Variants in MYO16 observed in about 807,000 individuals in gnomAD.
The protein encoded by MYO16 is unconventional myosin-XVI.
Under a neutral mutation model 205.3 loss-of-function variants are expected in MYO16, and 94 were observed. The ratio of observed to expected loss-of-function variants is 0.46; its 90% CI spans 0.39 to 0.54. The LOEUF (loss-of-function observed/expected upper bound fraction) is 0.54, where lower values mean the gene tolerates loss of function less well. Among genes scored for constraint, MYO16 ranks in the 20% least tolerant of loss-of-function variants. The pLI is 0.00. For synonymous variants in MYO16, 988 were observed against 954.0 expected, an observed-to-expected ratio of 1.04 and a Z score of -0.66; for missense variants, 2,315 against 2,387.5, an observed-to-expected ratio of 0.97 and a Z score of 0.63.
At chr13:108,917,798 T>C (rs1236344213) in intron 16 of MYO16, among the ~76,000 whole-genome samples, 2 of 152,220 alleles carry the variant, frequency 1.3e-5, no homozygotes, top group Admixed American at 6.5e-5. Flanking sequence ...ATGGTCAAAT[T>C]TATTATGTGA....
At chr13:109,015,140 A>G (rs61970225) in intron 22 of MYO16, among the ~76,000 whole-genome samples, 6,527 of 152,260 alleles carry the variant, frequency 0.043, 204 homozygotes, top group Non-Finnish European at 0.064. Flanking sequence ...CGTTCCATCA[A>G]TACCTAGTTT....
chr13:108,913,783 A>C (rs1000544577), intron 16 of MYO16, among the ~76,000 whole-genome samples: 2 of 152,236 alleles, frequency 1.3e-5, no homozygotes, highest in Admixed American at 1.3e-4. Flanking sequence ...CAAGACTGAA[A>C]ACCCAACTTA....
intron 16 of MYO16, among the ~76,000 whole-genome samples, chr13:108,935,682 G>A (rs1344596765): frequency 6.6e-6 from 1 of 152,008 alleles, no homozygotes; most frequent in African/African-American, 2.4e-5. Context: ...GTTGAGAGTC[G>A]GCATCATTGG....
the MYO16 span, among the ~76,000 whole-genome samples, chr13:108,537,941 T>C: frequency 6.6e-6 from 1 of 152,082 alleles, no homozygotes; most frequent in Non-Finnish European, 1.5e-5. Flanking sequence ...AGTTTGAAAA[T>C]ATTTTCTCCC....
At chr13:108,975,708 C>A (rs966761516) in intron 20 of MYO16, among the ~76,000 whole-genome samples, 1 of 152,118 alleles carries the variant, frequency 6.6e-6, no homozygotes, top group Non-Finnish European at 1.5e-5. Context: ...GTGGAGAGTA[C>A]ACCCTCCTTT....
intron 23 of MYO16, among the ~76,000 whole-genome samples, chr13:109,038,289 T>A (rs9559468): frequency 0.37 from 56,917 of 152,000 alleles, 11,546 homozygotes; most frequent in East Asian, 0.83. Flanking sequence ...TAGCATTTGA[T>A]CAGTAGACTG....
chr13:108,687,286 T>C (rs375635352), intron 2 of MYO16, among the ~76,000 whole-genome samples: 2 of 152,220 alleles, frequency 1.3e-5, no homozygotes, highest in Non-Finnish European at 2.9e-5. Context: ...ATAAATAACA[T>C]TGGCAGAAGT....
chr13:108,613,160 A>T (rs866793050), intron 1 of MYO16, among the ~76,000 whole-genome samples: 2 of 152,182 alleles, frequency 1.3e-5, no homozygotes, highest in African/African-American at 4.8e-5. Context: ...AGTTTAATTA[A>T]ATTTGATTAA....
intron 23 of MYO16, among the ~76,000 whole-genome samples, chr13:109,045,909 G>A (rs542349529): frequency 1.1e-4 from 17 of 152,252 alleles, no homozygotes; most frequent in Non-Finnish European, 2.2e-4. Context: ...TACCTCATGG[G>A]TGACACTCAA....
At chr13:108,914,605 G>A (rs1269081603) in intron 16 of MYO16, among the ~76,000 whole-genome samples, 2 of 151,972 alleles carry the variant, frequency 1.3e-5, no homozygotes, top group East Asian at 1.9e-4. Flanking sequence ...AATACTTATC[G>A]TATCTTATGT....
At chr13:109,132,801 C>T (rs572169589) in intron 31 of MYO16, among the ~76,000 whole-genome samples, 245 of 152,308 alleles carry the variant, frequency 1.6e-3, no homozygotes, top group African/African-American at 5.4e-3. Context: ...AGTTGTACAT[C>T]CAACAAATAG....
At chr13:109,079,799 T>C (rs1259187418) in intron 27 of MYO16, among the ~76,000 whole-genome samples, 3 of 152,120 alleles carry the variant, frequency 2.0e-5, no homozygotes, top group Non-Finnish European at 4.4e-5. Context: ...CCCTGGGGTG[T>C]CTTGTGAGCA....
At chr13:108,596,034 T>C (rs1878545297), upstream of MYO16, 1 of 151,712 alleles carries the variant, frequency 6.6e-6, no homozygotes, top group South Asian at 2.1e-4. Context: ...GCTGATGTGT[T>C]TTCTGGAATG....
chr13:109,024,005 AATATT>A (rs982783050), intron 23 of MYO16, among the ~76,000 whole-genome samples: 18 of 99,144 alleles, frequency 1.8e-4, no homozygotes, highest in East Asian at 4.5e-4. Flanking sequence ...TATATATAGA[AATATT>A]ATATATACAA....
intron 1 of MYO16, among the ~76,000 whole-genome samples, chr13:108,600,974 A>T (rs900246968): frequency 1.6e-4 from 24 of 152,174 alleles, no homozygotes; most frequent in African/African-American, 5.5e-4. Flanking sequence ...TACAGAAAGA[A>T]ATATGAAGAG....
chr13:108,691,310 A>G (rs1882885912), intron 2 of MYO16, among the ~76,000 whole-genome samples: 1 of 152,088 alleles, frequency 6.6e-6, no homozygotes, highest in East Asian at 1.9e-4. Flanking sequence ...GTTTTTGCCT[A>G]TTAGATTGTA....
intron 4 of MYO16, among the ~76,000 whole-genome samples, chr13:108,757,651 C>A (rs959009538): frequency 2.6e-5 from 4 of 151,962 alleles, no homozygotes; most frequent in Admixed American, 1.3e-4. Flanking sequence ...CACAACAGGC[C>A]CCAGTGTGTG....
chr13:109,098,405 C>A (rs1341003657), intron 27 of MYO16, among the ~76,000 whole-genome samples: 1 of 152,140 alleles, frequency 6.6e-6, no homozygotes, highest in Non-Finnish European at 1.5e-5. Context: ...CTTGCAGAAG[C>A]ATTTTCCCTG....
chr13:108,911,516 G>A (rs935126753), intron 16 of MYO16, among the ~76,000 whole-genome samples: 4 of 152,152 alleles, frequency 2.6e-5, no homozygotes, highest in African/African-American at 7.2e-5. Flanking sequence ...CTCAATGTTT[G>A]AGGGACAACA....
Sources: allele counts gnomAD v4.1 joint callset (sites outside exome capture counted in the v4.1 genomes callset), GRCh38; gene constraint gnomAD v4.1.1; transcripts MANE v1.5; gene names NCBI Gene and HGNC (gene_info 2026-07-23, HGNC 2026-07-21).